The following ARB2A variants were observed in gnomAD, a reference collection of about 807,000 sequenced individuals.
ARB2A encodes ARB2 cotranscriptional regulator A, also known as cotranscriptional regulator ARB2A.
the ARB2A span, among the ~76,000 whole-genome samples, chr5:94,096,539 A>AAAT: frequency 1.3e-5 from 2 of 152,302 alleles, no homozygotes; most frequent in Non-Finnish European, 2.9e-5. Flanking sequence ...TCATCCCTAT[A>AAAT]AAGAGCCATT....
the ARB2A span, among the ~76,000 whole-genome samples, chr5:93,631,244 A>G: frequency 6.6e-6 from 1 of 152,096 alleles, no homozygotes; most frequent in Admixed American, 6.5e-5. Context: ...CTGACTTTCA[A>G]CCTTGGCTGG....
chr5:93,850,105 TC>T, the ARB2A span, among the ~76,000 whole-genome samples: 3 of 152,194 alleles, frequency 2.0e-5, no homozygotes, highest in African/African-American at 7.2e-5. Context: ...TAACTTCAGA[TC>T]CCATGATCTT....
the ARB2A span, chr5:94,111,682 T>C: frequency 6.6e-6 from 1 of 152,350 alleles, no homozygotes; most frequent in East Asian, 1.9e-4. Flanking sequence ...GATACGTCAT[T>C]ACGCACTTGA....
chr5:93,850,896 C>T, the ARB2A span, among the ~76,000 whole-genome samples: 1 of 152,014 alleles, frequency 6.6e-6, no homozygotes, highest in East Asian at 1.9e-4. Flanking sequence ...ATTTAATCTC[C>T]AATATTTACA....
chr5:93,934,847 CATA>C, the ARB2A span, among the ~76,000 whole-genome samples: 1 of 152,066 alleles, frequency 6.6e-6, no homozygotes, highest in Admixed American at 6.5e-5. Flanking sequence ...TTGTTCATAG[CATA>C]ATAAATGGTC....
chr5:93,624,263 T>C, the ARB2A span, among the ~76,000 whole-genome samples: 1 of 152,152 alleles, frequency 6.6e-6, no homozygotes, highest in South Asian at 2.1e-4. Flanking sequence ...GGGAAACTAG[T>C]TTATTTAGCA....
chr5:94,039,573 A>T, the ARB2A span, among the ~76,000 whole-genome samples: 1 of 152,192 alleles, frequency 6.6e-6, no homozygotes, highest in African/African-American at 2.4e-5. Context: ...AAAATGGGCA[A>T]CCAGCAGCCC....
At chr5:93,621,201 G>C in the ARB2A span, 3 of 1,413,424 alleles carry the variant, frequency 2.1e-6, no homozygotes, top group Non-Finnish European at 2.8e-6. Flanking sequence ...GCGAGGGCCA[G>C]GCCGAGCCCC....
the ARB2A span, among the ~76,000 whole-genome samples, chr5:94,037,986 A>G: frequency 2.2e-4 from 33 of 152,240 alleles, no homozygotes; most frequent in Admixed American, 1.9e-3. Context: ...CTATCCATCA[A>G]TAAGAAAACA....
At chr5:94,021,529 C>T in the ARB2A span, among the ~76,000 whole-genome samples, 1 of 152,178 alleles carries the variant, frequency 6.6e-6, no homozygotes, top group Non-Finnish European at 1.5e-5. Context: ...TGCTGTTATC[C>T]GTGCAGTAAC....
the ARB2A span, among the ~76,000 whole-genome samples, chr5:94,036,624 A>C: frequency 6.6e-6 from 1 of 152,130 alleles, no homozygotes; most frequent in East Asian, 1.9e-4. Flanking sequence ...TTCATGCATC[A>C]TACCCACTGA....
chr5:93,948,544 T>C, the ARB2A span, among the ~76,000 whole-genome samples: 3 of 152,060 alleles, frequency 2.0e-5, no homozygotes, highest in East Asian at 3.9e-4. Flanking sequence ...TTGGCTTTTG[T>C]TGCCATTGCT....
chr5:93,841,436 A>G, the ARB2A span, among the ~76,000 whole-genome samples: 1 of 152,204 alleles, frequency 6.6e-6, no homozygotes, highest in Non-Finnish European at 1.5e-5. Flanking sequence ...GGATGTGTAT[A>G]GGCTACATGC....
the ARB2A span, among the ~76,000 whole-genome samples, chr5:93,823,269 T>G: frequency 1.6e-4 from 24 of 152,326 alleles, no homozygotes; most frequent in African/African-American, 5.5e-4. Context: ...ATTGTGATAT[T>G]GTAATATTGC....
At chr5:93,654,252 A>C in the ARB2A span, among the ~76,000 whole-genome samples, 1 of 152,206 alleles carries the variant, frequency 6.6e-6, no homozygotes, top group Non-Finnish European at 1.5e-5. Context: ...TATGGTGACC[A>C]TAAGCAAGGG....
At chr5:93,937,026 C>T in the ARB2A span, among the ~76,000 whole-genome samples, 1,943 of 150,592 alleles carry the variant, frequency 0.013, 18 homozygotes, top group Non-Finnish European at 0.017. Flanking sequence ...CTGCAAGCTC[C>T]GCCTCCCGGG....
chr5:93,798,138 T>G, the ARB2A span, among the ~76,000 whole-genome samples: 2 of 151,992 alleles, frequency 1.3e-5, no homozygotes, highest in African/African-American at 4.8e-5. Context: ...AATGTTGAGT[T>G]TCCATAGTTC....
chr5:94,101,882 C>T, the ARB2A span, among the ~76,000 whole-genome samples: 2 of 151,604 alleles, frequency 1.3e-5, no homozygotes, highest in Admixed American at 1.3e-4. Flanking sequence ...ATATGTACAA[C>T]AAACCCTGTG....
the ARB2A span, among the ~76,000 whole-genome samples, chr5:93,940,062 G>T: frequency 6.6e-6 from 1 of 151,692 alleles, no homozygotes; most frequent in African/African-American, 2.4e-5. Flanking sequence ...ACTCATTCCT[G>T]AATATCCATT....
Sources: gnomAD v4.1 joint callset for allele counts (sites outside exome capture counted in the v4.1 genomes callset) on GRCh38, gnomAD v4.1.1 for gene constraint, MANE v1.5 for transcripts, NCBI Gene and HGNC (gene_info 2026-07-23, HGNC 2026-07-21) for gene names.